COMMD1: variants seen among roughly 807,000 people sequenced by gnomAD.
COMMD1 encodes the protein COMM domain-containing protein 1.
In COMMD1, 10 loss-of-function variants were observed where a neutral mutation model predicts 17.2. The observed-to-expected ratio is 0.58, with a 90% CI of 0.36 to 0.99. The LOEUF is 0.99. Among genes scored for constraint, COMMD1 ranks in the 50% least tolerant of loss-of-function variants. The pLI is 0.01. For missense variants in COMMD1, 270 were observed against 231.8 expected (o/e 1.17, Z -1.07); for synonymous variants, 97 against 91.6 (o/e 1.06, Z -0.34).
At chr2:61,984,170 G>T (rs1158449264) in intron 1 of COMMD1, among the ~76,000 whole-genome samples, 1 of 152,094 alleles carries the variant, frequency 6.6e-6, no homozygotes, top group Non-Finnish European at 1.5e-5. Context: ...GATTACAGGC[G>T]TGTGCCACCA....
chr2:61,995,468 C>T (rs181827077), intron 1 of COMMD1, among the ~76,000 whole-genome samples: 5 of 152,328 alleles, frequency 3.3e-5, no homozygotes, highest in African/African-American at 9.6e-5. Context: ...CTCACTCAGT[C>T]ATCTAAACTT....
At chr2:61,943,435 CTGGTTGTGGGTGGG>C (rs1670806585) in intron 1 of COMMD1, among the ~76,000 whole-genome samples, 1 of 152,128 alleles carries the variant, frequency 6.6e-6, no homozygotes, top group African/African-American at 2.4e-5. Context: ...TCAAAGTGTG[CTGGTTGTGGGTGGG>C]ACTCCATAGT....
chr2:62,025,257 G>T (rs185696070), intron 2 of COMMD1, among the ~76,000 whole-genome samples: 1 of 151,398 alleles, frequency 6.6e-6, no homozygotes, highest in Non-Finnish European at 1.5e-5. Context: ...ACCAGGCTGG[G>T]TACGGTGGTT....
intron 1 of COMMD1, among the ~76,000 whole-genome samples, chr2:61,923,475 A>G (rs915088103): frequency 2.0e-5 from 3 of 152,128 alleles, no homozygotes; most frequent in Admixed American, 6.6e-5. Flanking sequence ...GTAATAGGAT[A>G]TAACAGTTAC....
chr2:62,030,009 G>C (rs979640248), intron 2 of COMMD1, among the ~76,000 whole-genome samples: 1 of 152,266 alleles, frequency 6.6e-6, no homozygotes, highest in Non-Finnish European at 1.5e-5. Context: ...GTCCAGCAAA[G>C]TATGGACAGC....
chr2:62,056,554 A>G (rs1336200200), intron 2 of COMMD1, among the ~76,000 whole-genome samples: 1 of 152,238 alleles, frequency 6.6e-6, no homozygotes, highest in Non-Finnish European at 1.5e-5. Context: ...GTCGGCAGAT[A>G]AAGTGGCTGC....
At chr2:62,091,390 C>T (rs1312222273) in intron 2 of COMMD1, among the ~76,000 whole-genome samples, 1 of 152,220 alleles carries the variant, frequency 6.6e-6, no homozygotes, top group Admixed American at 6.5e-5. Context: ...CCAGTGAGGT[C>T]ACACTTTAGT....
At chr2:62,058,399 T>G (rs545385756) in intron 2 of COMMD1, among the ~76,000 whole-genome samples, 7 of 152,338 alleles carry the variant, frequency 4.6e-5, no homozygotes, top group Non-Finnish European at 1.0e-4. Flanking sequence ...TTTTGTTTTG[T>G]TTTGAGACAA....
chr2:62,042,093 A>G (rs1670228513), intron 2 of COMMD1, among the ~76,000 whole-genome samples: 1 of 152,152 alleles, frequency 6.6e-6, no homozygotes, highest in East Asian at 1.9e-4. Context: ...CGATTGGTCC[A>G]TTTTACAGAG....
chr2:62,041,602 G>A (rs1392561714), intron 2 of COMMD1, among the ~76,000 whole-genome samples: 1 of 152,060 alleles, frequency 6.6e-6, no homozygotes, highest in African/African-American at 2.4e-5. Flanking sequence ...TGTTGCCCAA[G>A]CTGGTCTTGA....
chr2:62,031,121 T>C (rs1326191036), intron 2 of COMMD1, among the ~76,000 whole-genome samples: 1 of 152,200 alleles, frequency 6.6e-6, no homozygotes, highest in Non-Finnish European at 1.5e-5. Flanking sequence ...GCCATACTGA[T>C]CATTGCCTCA....
At chr2:62,079,454 C>T (rs2103975897) in intron 2 of COMMD1, among the ~76,000 whole-genome samples, 1 of 152,308 alleles carries the variant, frequency 6.6e-6, no homozygotes, top group Non-Finnish European at 1.5e-5. Context: ...AGTCCCAAGT[C>T]TGGGTCTGTT....
At position 62,041,269 on chromosome 2, in the gene COMMD1, T is replaced by C. The variant is rs150794825; in HGVS notation, c.462+40287T>C. Reference sequence around the variant, plus strand: ...CCATTTCTACTCTCTAGATTAAAAATCATGAATCTCTTGATTTGTTAATAA... The same window carrying C: ...CCATTTCTACTCTCTAGATTAAAAACCATGAATCTCTTGATTTGTTAATAA... On this transcript the variant is annotated intron_variant, in intron 2 of 2. Coordinates refer to ENST00000311832, the MANE Select transcript of COMMD1 (RefSeq NM_152516.4). Among the ~76,000 whole-genome samples the C allele has an allele frequency of 9.2e-5, 14 of 152,362 alleles. No homozygotes were observed. In the East Asian group the frequency reaches 2.3e-3, roughly 25 times the overall value.
chr2:61,923,329 A>G (rs1316530409), intron 1 of COMMD1, among the ~76,000 whole-genome samples: 1 of 152,148 alleles, frequency 6.6e-6, no homozygotes, highest in East Asian at 1.9e-4. Context: ...ATTCATTCCT[A>G]TATACATTAA....
intron 2 of COMMD1, among the ~76,000 whole-genome samples, chr2:62,068,813 T>A (rs1465303491): frequency 1.3e-5 from 2 of 151,730 alleles, no homozygotes; most frequent in Non-Finnish European, 2.9e-5. Context: ...ATTTTATTTT[T>A]TATTTTTTTT....
chr2:62,098,450 AGGGTTGATGTCAGCTAG>A (rs1390585985), intron 2 of COMMD1, among the ~76,000 whole-genome samples: 1 of 60,112 alleles, frequency 1.7e-5, no homozygotes, highest in African/African-American at 1.1e-4. Flanking sequence ...TAGGTCAGCT[AGGGTTGATGTCAGCTAG>A]GGTTGACTAA....
At chr2:62,071,521 C>T (rs1671200021) in intron 2 of COMMD1, among the ~76,000 whole-genome samples, 1 of 152,064 alleles carries the variant, frequency 6.6e-6, no homozygotes, top group Admixed American at 6.6e-5. Flanking sequence ...CTTATTTTAC[C>T]CAGGCCGTAT....
rs144927282 is a variant in COMMD1, at chr2:62,113,009, G to A, written c.463-22822G>A. On this transcript the variant is annotated intron_variant, in intron 2 of 2. Coordinates refer to ENST00000311832, the MANE Select transcript of COMMD1 (RefSeq NM_152516.4). ...ATTAAGATCTCATGAGTGATGCGGT[G>A]GAGTGAACTGAGAAGAGATTTTTCT... 3.4e-4 allele frequency among the ~76,000 whole-genome samples: 51 copies of A among 152,208 alleles called. No individual in the cohort carries two copies. In the East Asian group the frequency reaches 8.5e-3, roughly 25 times the overall value.
chr2:62,024,139 G>A (rs1669690661), intron 2 of COMMD1, among the ~76,000 whole-genome samples: 1 of 152,064 alleles, frequency 6.6e-6, no homozygotes, highest in African/African-American at 2.4e-5. Flanking sequence ...ATTTTGCATA[G>A]GAAAAAGTAC....
Sources: allele counts gnomAD v4.1 joint callset (sites outside exome capture counted in the v4.1 genomes callset), GRCh38; gene constraint gnomAD v4.1.1; transcripts MANE v1.5; gene names NCBI Gene and HGNC (gene_info 2026-07-23, HGNC 2026-07-21).